The following ANKRD31 variants were observed in gnomAD, a reference collection of about 807,000 sequenced individuals.
The protein encoded by ANKRD31 is ankyrin repeat domain-containing protein 31.
ANKRD31 carries 147 observed loss-of-function variants against 186.0 expected under a neutral mutation model. The observed-to-expected ratio is 0.79, with a 90% CI of 0.69 to 0.91. The LOEUF (loss-of-function observed/expected upper bound fraction) is 0.91, where lower values mean the gene tolerates loss of function less well. ANKRD31 is among the 40% of genes least tolerant of loss of function. The pLI is 0.00. For missense variants in ANKRD31, 1,986 were observed against 2,148.8 expected (o/e 0.92, Z 1.50); for synonymous variants, 673 against 736.4 (o/e 0.91, Z 1.39).
intron 6 of ANKRD31, among the ~76,000 whole-genome samples, chr5:75,197,969 G>C (rs1755579066): frequency 6.6e-6 from 1 of 152,146 alleles, no homozygotes; most frequent in Non-Finnish European, 1.5e-5. Flanking sequence ...AACGCAGCCA[G>C]AACCTTGAAC....
chr5:75,135,561 G>A (rs1369095810), intron 17 of ANKRD31, among the ~76,000 whole-genome samples: 2 of 152,092 alleles, frequency 1.3e-5, no homozygotes, highest in Non-Finnish European at 2.9e-5. Flanking sequence ...TGGATAGGAA[G>A]AATCAATATC....
chr5:75,169,096 A>C lies in ANKRD31; in HGVS notation c.1590T>G (p.Ser530Arg). The change falls in exon 11 of 26, where the codon AGT (serine) becomes AGG (arginine). Residue 530 changes from serine (S) to arginine (R), a missense_variant. Transcript: ENST00000506364. ...TTGCTGTCCGATAAAATCCTCCTAC[A>C]CTAGCTTCATGAAGTGCTGTCCAAC... ...YAGWTALHEA[S>R]VGGFYRTASE... 1 of 1,537,030 alleles carries C rather than the reference A, an allele frequency of 6.5e-7. No individual in the cohort carries two copies. The highest frequency in any genetic ancestry group is 8.7e-7 in the Non-Finnish European group (1 of 1,146,602).
At chr5:75,114,937 C>T (rs1484913570) in intron 19 of ANKRD31, among the ~76,000 whole-genome samples, 3 of 152,124 alleles carry the variant, frequency 2.0e-5, no homozygotes. Flanking sequence ...CAAAAAAGAG[C>T]CCGCATCGCC....
chr5:75,101,259 C>T (rs1362949003), intron 22 of ANKRD31, among the ~76,000 whole-genome samples: 1 of 152,282 alleles, frequency 6.6e-6, no homozygotes, highest in Non-Finnish European at 1.5e-5. Flanking sequence ...GGCCCCTACT[C>T]TCTTCTGGCT....
chr5:75,082,358 G>A (rs1745147139), intron 24 of ANKRD31, among the ~76,000 whole-genome samples: 1 of 152,172 alleles, frequency 6.6e-6, no homozygotes, highest in Non-Finnish European at 1.5e-5. Context: ...CTTGGCCCTG[G>A]TTATCACAGT....
intron 6 of ANKRD31, among the ~76,000 whole-genome samples, chr5:75,197,063 G>C (rs894572117): frequency 5.3e-5 from 8 of 152,036 alleles, no homozygotes. Context: ...ACCATGCCCT[G>C]TTAATTTTTT....
chr5:75,175,214 C>T (rs1008611184), intron 10 of ANKRD31, among the ~76,000 whole-genome samples: 2 of 152,134 alleles, frequency 1.3e-5, no homozygotes, highest in Non-Finnish European at 2.9e-5. Flanking sequence ...GAACATCACA[C>T]ACTGAGGCCT....
intron 17 of ANKRD31, among the ~76,000 whole-genome samples, chr5:75,131,875 C>T (rs866812301): frequency 5.1e-4 from 78 of 152,278 alleles, no homozygotes; most frequent in African/African-American, 1.6e-3. Flanking sequence ...CTGCAGCCTC[C>T]GCTGGTGATA....
intron 1 of ANKRD31, among the ~76,000 whole-genome samples, 154 bp downstream of exon 1, chr5:75,236,427 GCT>G (rs1241638711): frequency 6.6e-6 from 1 of 152,176 alleles, no homozygotes; most frequent in African/African-American, 2.4e-5. Context: ...TTATTTACAA[GCT>G]CTCAGCTCAG....
intron 12 of ANKRD31, 21 bp downstream of exon 12, chr5:75,154,180 T>A: frequency 6.8e-7 from 1 of 1,468,648 alleles, no homozygotes. Context: ...AAATAGCTAT[T>A]ACAGGGCAGT....
chr5:75,132,611 A>G (rs1749966395), intron 17 of ANKRD31, among the ~76,000 whole-genome samples: 1 of 152,190 alleles, frequency 6.6e-6, no homozygotes, highest in South Asian at 2.1e-4. Context: ...TATCCAGGAG[A>G]ACTTCCCCAA....
At chr5:75,070,360 C>A (rs1744125415) in intron 25 of ANKRD31, among the ~76,000 whole-genome samples, 1 of 152,126 alleles carries the variant, frequency 6.6e-6, no homozygotes, top group African/African-American at 2.4e-5. Context: ...AAGATACTAT[C>A]CCCCACTTTA....
intron 12 of ANKRD31, 30 bp downstream of exon 12, chr5:75,154,171 A>T: frequency 7.1e-7 from 1 of 1,413,964 alleles, no homozygotes; most frequent in Non-Finnish European, 9.2e-7. Context: ...TGATGTGACA[A>T]ATAGCTATTA....
chr5:75,077,582 G>T (rs1440645143), intron 25 of ANKRD31, among the ~76,000 whole-genome samples: 1 of 151,840 alleles, frequency 6.6e-6, no homozygotes, highest in East Asian at 1.9e-4. Context: ...AAGTGTTCAG[G>T]TTTTTTTGTG....
chr5:75,189,199 G>A lies in ANKRD31; in HGVS notation c.1409-551C>T, dbSNP rs189777133. On this transcript the variant is annotated intron_variant, in intron 9 of 25. Transcript: ENST00000506364. ...GCAGAGAACCACAGCCTTGATCCTT[G>A]CAATTGTTTTTATTTACTAAGCCAG... Among the ~76,000 whole-genome samples the A allele has an allele frequency of 1.1e-3, 170 of 152,228 alleles. 2 individuals are homozygous for A. Among genetic ancestry groups the A allele is most frequent in the Middle Eastern group, 6.8e-3 (2 of 294 alleles).
At chr5:75,178,787 C>G (rs144718782) in intron 10 of ANKRD31, among the ~76,000 whole-genome samples, 8,620 of 151,962 alleles carry the variant, frequency 0.057, 356 homozygotes, top group South Asian at 0.2. Flanking sequence ...AAGCAGGAAA[C>G]ATCTAAAATT....
chr5:75,153,380 T>C (rs897586030), intron 12 of ANKRD31, among the ~76,000 whole-genome samples: 1 of 152,092 alleles, frequency 6.6e-6, no homozygotes, highest in African/African-American at 2.4e-5. Flanking sequence ...TACTGATAGA[T>C]AACTAATATA....
At chr5:75,156,835 T>C (rs1038011338) in intron 11 of ANKRD31, among the ~76,000 whole-genome samples, 1 of 152,182 alleles carries the variant, frequency 6.6e-6, no homozygotes, top group Non-Finnish European at 1.5e-5. Context: ...GCCCCACTGA[T>C]ATCTTGATTT....
Position 75,169,136 on chromosome 5 carries a change from G to A in ANKRD31, c.1565-15C>T. 6.5e-7 allele frequency: 1 copy of A among 1,529,602 alleles called. No individual in the cohort carries two copies. The highest frequency in any genetic ancestry group is 2.5e-5 in the East Asian group (1 of 40,682). The allele number at this position is 1,529,602 out of a possible 1,614,324, so 94.8% of individuals were successfully genotyped here. A position where few individuals can be genotyped will look rare whatever the true frequency, so the allele number is the denominator to read the frequency against. ...TGCTGTCCAACCTATCATACAAAAA[G>A]ATACGGCATTTGTTTACATTTGGCA... is the stretch of plus-strand genomic sequence containing the variant. On this transcript the variant is annotated splice_polypyrimidine_tract_variant and intron_variant, in intron 10 of 25. Coordinates refer to ENST00000506364, the MANE Select transcript of ANKRD31 (RefSeq NM_001372053.1).
Sources: gnomAD v4.1 joint callset for allele counts (sites outside exome capture counted in the v4.1 genomes callset) on GRCh38, gnomAD v4.1.1 for gene constraint, MANE v1.5 for transcripts, NCBI Gene and HGNC (gene_info 2026-07-23, HGNC 2026-07-21) for gene names.